Variants in CACNA2D3 observed in about 807,000 individuals in gnomAD.
CACNA2D3 encodes the protein calcium voltage-gated channel auxiliary subunit alpha2delta 3, also known as voltage-dependent calcium channel subunit alpha-2/delta-3.
Under a neutral mutation model 160.6 loss-of-function variants are expected in CACNA2D3, and 60 were observed. That is an observed-to-expected ratio of 0.37 (90% CI 0.30 to 0.46). The LOEUF is 0.46. Among genes scored for constraint, CACNA2D3 ranks in the 20% least tolerant of loss-of-function variants. The pLI is 1.00. For missense variants in CACNA2D3, 1,205 were observed against 1,365.0 expected (o/e 0.88, Z 1.85); for synonymous variants, 558 against 492.9 (o/e 1.13, Z -1.75).
At position 54,951,304 on chromosome 3, in the gene CACNA2D3, G is replaced by T. The variant is rs541200917; in HGVS notation, c.2450-17146G>T. Among the ~76,000 whole-genome samples, 5 of 152,298 alleles carry T rather than the reference G, an allele frequency of 3.3e-5. No individual in the cohort carries two copies. The South Asian group carries it at 1.0e-3, about 32-fold the overall frequency. On this transcript the variant is annotated intron_variant, in intron 27 of 37. Coordinates refer to ENST00000474759, the MANE Select transcript of CACNA2D3 (RefSeq NM_018398.3). The stretch of plus-strand genomic sequence containing the variant: ...CAGATACCTCTGTAATAGCCAAGCC[G>T]CAGACAAGATAAAGAAGACCCATCT...
intron 25 of CACNA2D3, among the ~76,000 whole-genome samples, chr3:54,893,132 C>T (rs778853866): frequency 9.2e-5 from 14 of 152,030 alleles, no homozygotes; most frequent in Admixed American, 5.9e-4. Context: ...AAAAATTAGC[C>T]GGGCATGGTG....
intron 2 of CACNA2D3, chr3:54,197,445 G>A (rs141917158): frequency 6.6e-6 from 1 of 152,336 alleles, no homozygotes; most frequent in Non-Finnish European, 1.5e-5. Context: ...AGGAAACTGT[G>A]TACTGCCTGA....
rs368048435 is a variant in CACNA2D3, at chr3:54,494,832, G to A, written c.382-8660G>A. On this transcript the variant is annotated intron_variant, in intron 4 of 37. Coordinates refer to ENST00000474759, the MANE Select transcript of CACNA2D3 (RefSeq NM_018398.3). ...GTCTTACATGGCGGCAGGTGAGAGAGAGGGAGAGAGAGAGAGCAAGCATGA... is the reference window on the plus strand; with the variant it reads ...GTCTTACATGGCGGCAGGTGAGAGAAAGGGAGAGAGAGAGAGCAAGCATGA... Among the ~76,000 whole-genome samples, 185 of 152,286 alleles carry A rather than the reference G, an allele frequency of 1.2e-3. 2 individuals are homozygous for A. In the South Asian group the frequency reaches 0.038, roughly 31 times the overall value.
At chr3:54,531,504 A>G (rs552649918) in intron 5 of CACNA2D3, among the ~76,000 whole-genome samples, 3 of 152,310 alleles carry the variant, frequency 2.0e-5, no homozygotes, top group South Asian at 2.1e-4. Flanking sequence ...TGCAAGCAGA[A>G]CTTTTGATTT....
intron 2 of CACNA2D3, among the ~76,000 whole-genome samples, chr3:54,309,727 C>T (rs1024054900): frequency 2.6e-5 from 4 of 151,418 alleles, no homozygotes; most frequent in African/African-American, 9.7e-5. Context: ...CACACCGTTC[C>T]TCCCGTCTAG....
intron 2 of CACNA2D3, among the ~76,000 whole-genome samples, chr3:54,312,497 G>T (rs1265361715): frequency 6.6e-6 from 1 of 152,106 alleles, no homozygotes; most frequent in Non-Finnish European, 1.5e-5. Context: ...TCTGGGGGCT[G>T]TTCTAGGCGA....
chr3:54,611,157 C>T (rs1049428485), intron 9 of CACNA2D3, among the ~76,000 whole-genome samples: 1 of 152,212 alleles, frequency 6.6e-6, no homozygotes. Flanking sequence ...AGTCACAACT[C>T]CACCTGAGCA....
At chr3:54,200,147 G>C (rs953787786) in intron 2 of CACNA2D3, among the ~76,000 whole-genome samples, 4 of 152,244 alleles carry the variant, frequency 2.6e-5, no homozygotes, top group African/African-American at 9.6e-5. Flanking sequence ...AGTGGCTGAA[G>C]TCTGGAAAAT....
chr3:54,385,935 T>C lies in CACNA2D3; in HGVS notation c.322-780T>C, dbSNP rs191038523. The stretch of plus-strand genomic sequence containing the variant: ...ATTATTTCACCAAATGAGAGTTTTC[T>C]GTAATATCCTCTAGCCTATATTTTC... On this transcript the variant is annotated intron_variant, in intron 3 of 37. Coordinates refer to ENST00000474759, the MANE Select transcript of CACNA2D3 (RefSeq NM_018398.3). 5.6e-3 allele frequency: 2,882 copies of C among 510,364 alleles called. 17 individuals carry two copies. The highest frequency in any genetic ancestry group is 9.2e-3 in the Non-Finnish European group (2,380 of 257,660). 31.6% of individuals were successfully genotyped at this position (510,364 alleles called of 1,614,324 possible). A position where few individuals can be genotyped will look rare whatever the true frequency, so the allele number is the denominator to read the frequency against.
At chr3:54,547,672 C>CTTTTT (rs55806357) in intron 5 of CACNA2D3, among the ~76,000 whole-genome samples, 2 of 69,282 alleles carry the variant, frequency 2.9e-5, no homozygotes, top group African/African-American at 5.6e-5. Context: ...TCCCCCAACC[C>CTTTTT]TTTTTTTTTT....
Position 54,698,966 on chromosome 3 carries a change from G to A in CACNA2D3, c.1168-53633G>A, listed in dbSNP as rs114062728. On this transcript the variant is annotated intron_variant, in intron 11 of 37. Transcript: ENST00000474759. ...TGCAGGCGGCCCTGCAAGGACTTCA[G>A]AGTGGAATTATTGAAATCATAGGAG... Among the ~76,000 whole-genome samples the A allele has an allele frequency of 3.5e-3, 534 of 152,310 alleles. 3 individuals are homozygous for A. Among genetic ancestry groups the A allele is most frequent in the Non-Finnish European group, 5.8e-3 (395 of 68,028 alleles).
chr3:54,484,645 T>C (rs758257202), intron 4 of CACNA2D3, among the ~76,000 whole-genome samples: 2 of 152,200 alleles, frequency 1.3e-5, no homozygotes, highest in African/African-American at 4.8e-5. Context: ...ATAATCATGA[T>C]AATGAGGCCA....
chr3:54,981,755 C>T (rs528938516), intron 29 of CACNA2D3, among the ~76,000 whole-genome samples: 72 of 152,334 alleles, frequency 4.7e-4, no homozygotes, highest in Non-Finnish European at 8.2e-4. Flanking sequence ...AAAACACAGA[C>T]ATTAGCCCCT....
intron 11 of CACNA2D3, among the ~76,000 whole-genome samples, chr3:54,742,777 CA>C (rs1701680098): frequency 1.3e-5 from 2 of 152,194 alleles, no homozygotes; most frequent in Non-Finnish European, 2.9e-5. Flanking sequence ...CATCTAGAAT[CA>C]AGAGGCAGGC....
intron 2 of CACNA2D3, among the ~76,000 whole-genome samples, chr3:54,132,884 A>G (rs1239107368): frequency 6.6e-6 from 1 of 152,182 alleles, no homozygotes; most frequent in Non-Finnish European, 1.5e-5. Context: ...AAATGGGCAC[A>G]ATGGTACTAA....
rs1298118386 is a variant in CACNA2D3 at position 54,337,751 on chromosome 3, C to T, written c.321+17193C>T. Among the ~76,000 whole-genome samples, 3 of 152,322 alleles carry T rather than the reference C, an allele frequency of 2.0e-5. No homozygotes were observed. The East Asian group carries it at 5.8e-4, about 29-fold the overall frequency. On this transcript the variant is annotated intron_variant, in intron 3 of 37. Transcript: ENST00000474759. Reference sequence around the variant, plus strand: ...GCCAGTCAAATAGCCTCATTTCAAACAGCATCTTCACCCTCCTTTCTTCCA... The same window carrying T: ...GCCAGTCAAATAGCCTCATTTCAAATAGCATCTTCACCCTCCTTTCTTCCA...
chr3:54,719,105 C>T (rs1447171282), intron 11 of CACNA2D3, among the ~76,000 whole-genome samples: 1 of 148,954 alleles, frequency 6.7e-6, no homozygotes, highest in African/African-American at 2.5e-5. Flanking sequence ...TGCTATATTT[C>T]TACTTTCCCA....
At chr3:54,864,010 G>A (rs1348167690) in intron 17 of CACNA2D3, among the ~76,000 whole-genome samples, 1 of 152,078 alleles carries the variant, frequency 6.6e-6, no homozygotes, top group Non-Finnish European at 1.5e-5. Context: ...CCGAATAGAG[G>A]CTCATTGGCA....
rs369466001 is a variant in CACNA2D3, at chr3:54,590,519, C to T, written c.963+8642C>T. ...TTCTGTGTCTTGATCATATCAATGT[C>T]AGTATCCCTTGTGATGTTATGCTGT... On this transcript the variant is annotated intron_variant, in intron 9 of 37. Coordinates refer to ENST00000474759, the MANE Select transcript of CACNA2D3 (RefSeq NM_018398.3). 1.3e-3 allele frequency among the ~76,000 whole-genome samples: 195 copies of T among 152,186 alleles called. 4 individuals are homozygous for T. In the South Asian group the frequency reaches 0.04, roughly 31 times the overall value.
Sources: allele counts gnomAD v4.1 joint callset (sites outside exome capture counted in the v4.1 genomes callset), GRCh38; gene constraint gnomAD v4.1.1; transcripts MANE v1.5; gene names NCBI Gene and HGNC (gene_info 2026-07-23, HGNC 2026-07-21).